TANC2: variants seen among roughly 807,000 people sequenced by gnomAD.
TANC2 encodes the protein tetratricopeptide repeat, ankyrin repeat and coiled-coil containing 2, also known as protein TANC2.
In TANC2, 26 loss-of-function variants were observed where a neutral mutation model predicts 210.5. The ratio of observed to expected loss-of-function variants is 0.12; its 90% CI spans 0.09 to 0.17. The LOEUF is 0.17. TANC2 is among the 10% of genes least tolerant of loss of function. The probability of loss-of-function intolerance (pLI) is 1.00; values close to 1 mark genes in which losing one functional copy is unlikely to be tolerated. For synonymous variants in TANC2, 931 were observed against 967.1 expected (o/e 0.96, Z 0.69); for missense variants, 2,129 against 2,608.9 (o/e 0.82, Z 4.01).
At chr17:63,243,759 A>G (rs764125110) in intron 8 of TANC2, among the ~76,000 whole-genome samples, 1 of 152,194 alleles carries the variant, frequency 6.6e-6, no homozygotes, top group Admixed American at 6.5e-5. Context: ...GAAGACTTCA[A>G]AAAGTCCATG....
chr17:63,194,892 CA>C lies in TANC2; in HGVS notation c.582+761del, dbSNP rs552657417. Among the ~76,000 whole-genome samples the C allele has an allele frequency of 2.9e-3, 436 of 151,162 alleles. 1 individual carries two copies. Among genetic ancestry groups the C allele is most frequent in the African/African-American group, 0.01 (419 of 41,268 alleles). On this transcript the variant is annotated intron_variant, in intron 6 of 27. Coordinates refer to ENST00000689528, the Ensembl canonical transcript of TANC2. ...TTCATTTTTTTCAGTTTAAATGTAG[CA>C]AAAAAAAGTACTAGAGTCAGATTCA... is the stretch of plus-strand genomic sequence containing the variant.
intron 1 of TANC2, among the ~76,000 whole-genome samples, chr17:63,001,500 C>G (rs1167585679): frequency 6.6e-6 from 1 of 151,192 alleles, no homozygotes; most frequent in Non-Finnish European, 1.5e-5. Flanking sequence ...TTAATAAGAC[C>G]AGGTTTCCTT....
chr17:63,143,303 CCT>C (rs2039351101), intron 4 of TANC2, among the ~76,000 whole-genome samples: 1 of 152,126 alleles, frequency 6.6e-6, no homozygotes, highest in Admixed American at 6.6e-5. Flanking sequence ...TATCATGATG[CCT>C]CTTTTCTTAT....
rs143454193 is a variant in TANC2 at position 63,234,137 on chromosome 17, G to A, written c.770-3677G>A. On this transcript the variant is annotated intron_variant, in intron 7 of 27. Coordinates refer to ENST00000689528, the Ensembl canonical transcript of TANC2. ...TCAGTACCTATTTAATTGTTTCACAGTATCCTAAAATATTATAGAAAGCCT... is the reference window on the plus strand; with the variant it reads ...TCAGTACCTATTTAATTGTTTCACAATATCCTAAAATATTATAGAAAGCCT... Among the ~76,000 whole-genome samples, 5 of 152,264 alleles carry A rather than the reference G, an allele frequency of 3.3e-5. No individual in the cohort carries two copies. The East Asian group carries it at 9.6e-4, about 29-fold the overall frequency.
chr17:63,356,440 T>C (rs1425856882), intron 14 of TANC2, among the ~76,000 whole-genome samples: 1 of 152,100 alleles, frequency 6.6e-6, no homozygotes, highest in Non-Finnish European at 1.5e-5. Context: ...ATGTGACTCA[T>C]CAGAAAGAAT....
At chr17:63,427,195 G>C (rs984964856) in exon 28 of TANC2, 1 of 152,230 alleles carries the variant, frequency 6.6e-6, no homozygotes, top group African/African-American at 2.4e-5. Context: ...CTTTGTCTCT[G>C]TTCTGTCTCC....
intron 2 of TANC2, among the ~76,000 whole-genome samples, chr17:63,045,800 T>A (rs1191859412): frequency 6.6e-6 from 1 of 152,182 alleles, no homozygotes; most frequent in East Asian, 1.9e-4. Flanking sequence ...TCTTTTTATT[T>A]AAAAAAATTA....
chr17:63,359,769 G>A (rs996012606), intron 14 of TANC2, among the ~76,000 whole-genome samples: 1 of 152,192 alleles, frequency 6.6e-6, no homozygotes, highest in Admixed American at 6.5e-5. Flanking sequence ...AGGTTGTGAT[G>A]TGGGAGCCTA....
chr17:63,248,161 G>C (rs1404353240), intron 8 of TANC2, among the ~76,000 whole-genome samples: 2 of 151,898 alleles, frequency 1.3e-5, no homozygotes, highest in East Asian at 3.9e-4. Flanking sequence ...GTCTCAGGAG[G>C]GTCTGCTCTT....
At chr17:63,125,164 C>T (rs942721484) in intron 4 of TANC2, 7 of 152,182 alleles carry the variant, frequency 4.6e-5, no homozygotes, top group African/African-American at 1.2e-4. Flanking sequence ...AGCAGTGTGA[C>T]GTTGGGCAAG....
intron 7 of TANC2, among the ~76,000 whole-genome samples, chr17:63,209,286 T>G (rs932796599): frequency 6.6e-6 from 1 of 152,184 alleles, no homozygotes. Context: ...GTGCTGGGAT[T>G]ACAGGCATGA....
chr17:63,076,462 G>A (rs2036575150), intron 3 of TANC2, among the ~76,000 whole-genome samples: 1 of 152,258 alleles, frequency 6.6e-6, no homozygotes, highest in East Asian at 1.9e-4. Context: ...AGAAGAAAGA[G>A]GAAATTTAGT....
chr17:63,125,332 T>C (rs147298818), intron 4 of TANC2: 2 of 152,372 alleles, frequency 1.3e-5, no homozygotes, highest in East Asian at 3.9e-4. Flanking sequence ...ATGATGATGC[T>C]GTCACTTAAT....
intron 15 of TANC2, among the ~76,000 whole-genome samples, chr17:63,385,202 C>G (rs1378632798): frequency 6.6e-6 from 1 of 152,208 alleles, no homozygotes; most frequent in Non-Finnish European, 1.5e-5. Context: ...CTTCAACCAT[C>G]ATATGTAAGA....
In TANC2 at chr17:63,192,555, A is replaced by AGGAAGACACTGTGCCACT. The variant is rs552761551; in HGVS notation, c.434-1423_434-1422insCCACTGGAAGACACTGTG. 2.4e-3 allele frequency among the ~76,000 whole-genome samples: 364 copies of AGGAAGACACTGTGCCACT among 152,318 alleles called. 5 individuals are homozygous for AGGAAGACACTGTGCCACT. Among genetic ancestry groups the AGGAAGACACTGTGCCACT allele is most frequent in the East Asian group, 8.9e-3 (46 of 5,186 alleles). ...CCATTTGTAATATTTCTTTCCAGTG[A>AGGAAGACACTGTGCCACT]GGAAGACACTGTGTTGTGCTCATTG... is the stretch of plus-strand genomic sequence containing the variant. On this transcript the variant is annotated intron_variant, in intron 5 of 27. Transcript: ENST00000689528.
chr17:62,977,806 A>G (rs907730265), intron 1 of TANC2, among the ~76,000 whole-genome samples: 3 of 152,104 alleles, frequency 2.0e-5, no homozygotes, highest in Admixed American at 1.3e-4. Context: ...TCCCTTCTCT[A>G]GTTATATTCC....
intron 9 of TANC2, among the ~76,000 whole-genome samples, chr17:63,289,144 G>A (rs1263982221): frequency 2.0e-5 from 3 of 152,204 alleles, no homozygotes; most frequent in Middle Eastern, 3.4e-3. Context: ...AAAATGATAC[G>A]CCTAAGTATA....
intron 1 of TANC2, among the ~76,000 whole-genome samples, chr17:62,992,880 G>A (rs982987281): frequency 6.6e-6 from 1 of 152,182 alleles, no homozygotes; most frequent in Non-Finnish European, 1.5e-5. Flanking sequence ...TACAGTTCTG[G>A]AAGTCAGAAG....
At chr17:63,007,084 T>G (rs1471976354) in intron 1 of TANC2, among the ~76,000 whole-genome samples, 1 of 151,248 alleles carries the variant, frequency 6.6e-6, no homozygotes, top group African/African-American at 2.4e-5. Flanking sequence ...GAAAAATTAG[T>G]GGTGTGTGGG....
Sources: gnomAD v4.1 joint callset for allele counts (sites outside exome capture counted in the v4.1 genomes callset) on GRCh38, gnomAD v4.1.1 for gene constraint, MANE v1.5 for transcripts, NCBI Gene and HGNC (gene_info 2026-07-23, HGNC 2026-07-21) for gene names.